Variants in NKAIN2 observed in about 807,000 individuals in gnomAD.
NKAIN2 encodes the protein sodium/potassium-transporting ATPase subunit beta-1-interacting protein 2.
Under a neutral mutation model 32.6 loss-of-function variants are expected in NKAIN2, and 14 were observed. The observed-to-expected ratio is 0.43, with a 90% CI of 0.28 to 0.67. NKAIN2 has a LOEUF of 0.67. NKAIN2 is among the 30% of genes least tolerant of loss of function. The probability of loss-of-function intolerance (pLI) is 0.17; values close to 1 mark genes in which losing one functional copy is unlikely to be tolerated. For synonymous variants in NKAIN2, 80 were observed against 87.2 expected (o/e 0.92, Z 0.46); for missense variants, 198 against 258.3 (o/e 0.77, Z 1.60).
At chr6:124,426,031 C>T (rs531123913) in intron 3 of NKAIN2, among the ~76,000 whole-genome samples, 4 of 152,276 alleles carry the variant, frequency 2.6e-5, no homozygotes, top group South Asian at 4.1e-4. Flanking sequence ...GTAACCTAGA[C>T]TCTTTGTAGT....
At chr6:124,638,546 C>G (rs1783857330) in intron 3 of NKAIN2, among the ~76,000 whole-genome samples, 1 of 152,074 alleles carries the variant, frequency 6.6e-6, no homozygotes, top group South Asian at 2.1e-4. Flanking sequence ...ACAAAGAACT[C>G]AAATGACTCA....
intron 3 of NKAIN2, among the ~76,000 whole-genome samples, chr6:124,626,013 T>C (rs917772640): frequency 6.6e-6 from 1 of 151,702 alleles, no homozygotes; most frequent in Non-Finnish European, 1.5e-5. Context: ...TACATATGTA[T>C]ACATGTGCCA....
chr6:124,755,336 T>C (rs1277712344), intron 4 of NKAIN2, among the ~76,000 whole-genome samples: 1 of 152,124 alleles, frequency 6.6e-6, no homozygotes, highest in African/African-American at 2.4e-5. Flanking sequence ...TGGCAGCTGA[T>C]TGAATGGTGC....
chr6:124,473,455 ATTTATGGC>A (rs1777058372), intron 3 of NKAIN2, among the ~76,000 whole-genome samples: 1 of 152,180 alleles, frequency 6.6e-6, no homozygotes. Flanking sequence ...ATTCAAGAAC[ATTTATGGC>A]TTTGTGATTT....
chr6:124,098,677 T>C (rs1418073279), intron 1 of NKAIN2, among the ~76,000 whole-genome samples: 1 of 152,084 alleles, frequency 6.6e-6, no homozygotes, highest in Non-Finnish European at 1.5e-5. Context: ...GAGACCAGCC[T>C]GGCCAATATG....
chr6:124,333,450 AGGAGTT>A (rs1797744633), intron 2 of NKAIN2, among the ~76,000 whole-genome samples: 1 of 152,060 alleles, frequency 6.6e-6, no homozygotes, highest in Non-Finnish European at 1.5e-5. Context: ...ACCTGAGGTC[AGGAGTT>A]GGAGACCAGC....
intron 1 of NKAIN2, among the ~76,000 whole-genome samples, chr6:124,113,066 C>T (rs910009266): frequency 1.3e-5 from 2 of 151,896 alleles, no homozygotes; most frequent in African/African-American, 2.4e-5. Context: ...GCATCTTAGT[C>T]GGATTCTTCA....
intron 1 of NKAIN2, among the ~76,000 whole-genome samples, chr6:123,979,351 C>G (rs1399411905): frequency 1.3e-5 from 2 of 152,106 alleles, no homozygotes; most frequent in Non-Finnish European, 2.9e-5. Flanking sequence ...AGTGGGTGTG[C>G]ACAGCATGGG....
chr6:124,168,059 T>C (rs904950458), intron 1 of NKAIN2, among the ~76,000 whole-genome samples: 6 of 152,210 alleles, frequency 3.9e-5, no homozygotes, highest in Non-Finnish European at 8.8e-5. Flanking sequence ...TATTTGTCAT[T>C]ACATTTGAAT....
intron 1 of NKAIN2, among the ~76,000 whole-genome samples, chr6:124,244,876 G>C (rs1793309858): frequency 6.6e-6 from 1 of 152,088 alleles, no homozygotes; most frequent in Admixed American, 6.6e-5. Flanking sequence ...ACTAGTGGAA[G>C]ATAATTTCCA....
intron 1 of NKAIN2, among the ~76,000 whole-genome samples, chr6:123,992,844 C>T (rs1229965806): frequency 1.3e-5 from 2 of 152,134 alleles, no homozygotes; most frequent in Non-Finnish European, 2.9e-5. Context: ...GCGTTGTTCC[C>T]TTGTGGTACC....
At position 124,563,273 on chromosome 6, in the gene NKAIN2, C is replaced by CA. The variant is rs1460080389; in HGVS notation, c.274-94908dup. Among the ~76,000 whole-genome samples, 6 of 152,208 alleles carry CA rather than the reference C, an allele frequency of 3.9e-5. No individual in the cohort carries two copies. The South Asian group carries it at 1.0e-3, about 26-fold the overall frequency. On this transcript the variant is annotated intron_variant, in intron 3 of 6. Transcript: ENST00000368417. ...CTGAACTCAACTCTGTACAGATTTC[C>CA]AAAAAGATCTGAATACCTGGATAAT... is the stretch of plus-strand genomic sequence containing the variant.
intron 1 of NKAIN2, among the ~76,000 whole-genome samples, chr6:124,276,910 TG>T (rs1795064508): frequency 6.6e-6 from 1 of 152,152 alleles, no homozygotes; most frequent in Non-Finnish European, 1.5e-5. Flanking sequence ...AGCTCTAGTG[TG>T]GCAACATCCA....
At chr6:124,819,045 C>A in intron 6 of NKAIN2, 1 of 377,800 alleles carries the variant, frequency 2.6e-6, no homozygotes, top group Non-Finnish European at 3.6e-6. Flanking sequence ...CTCAGGAGAG[C>A]AGACATACAA....
rs771135686 is a variant in NKAIN2 at position 124,644,474 on chromosome 6, G to A, written c.274-13712G>A. Among the ~76,000 whole-genome samples, 12 of 150,700 alleles carry A rather than the reference G, an allele frequency of 8.0e-5. No homozygotes were observed. The South Asian group carries it at 1.3e-3, about 16-fold the overall frequency. On this transcript the variant is annotated intron_variant, in intron 3 of 6. Transcript: ENST00000368417. ...GGCTGGAGGGTAGTGGCACGATTTC[G>A]GCTTACTGAAACCTCCGCCTCCCGG...
rs113802071 is a variant in NKAIN2 at position 123,989,614 on chromosome 6, C to G, written c.54+185360C>G. ...CAATCTTTGTCTAATAATTACTTGTCACAGTTTTAAGTTTTTGCTTTGATA... is the reference window on the plus strand; with the variant it reads ...CAATCTTTGTCTAATAATTACTTGTGACAGTTTTAAGTTTTTGCTTTGATA... On this transcript the variant is annotated intron_variant, in intron 1 of 6. Coordinates refer to ENST00000368417, the MANE Select transcript of NKAIN2 (RefSeq NM_001040214.3). 3.1e-3 allele frequency among the ~76,000 whole-genome samples: 468 copies of G among 152,204 alleles called. 3 individuals carry two copies. The highest frequency in any genetic ancestry group is 0.011 in the African/African-American group (448 of 41,530).
At chr6:124,259,821 C>T (rs1794142518) in intron 1 of NKAIN2, among the ~76,000 whole-genome samples, 1 of 152,066 alleles carries the variant, frequency 6.6e-6, no homozygotes. Flanking sequence ...CCCTGGACAC[C>T]TATTTTTTTC....
At chr6:124,396,736 G>A (rs1338482900) in intron 3 of NKAIN2, among the ~76,000 whole-genome samples, 1 of 152,190 alleles carries the variant, frequency 6.6e-6, no homozygotes, top group Non-Finnish European at 1.5e-5. Flanking sequence ...AGAATTATGT[G>A]TGGGAGAGTG....
intron 1 of NKAIN2, among the ~76,000 whole-genome samples, chr6:124,107,186 C>A (rs1364824675): frequency 1.3e-5 from 2 of 152,044 alleles, no homozygotes; most frequent in Non-Finnish European, 2.9e-5. Context: ...CTAAGTAAGC[C>A]AGATGTGATG....
Sources: gnomAD v4.1 joint callset for allele counts (sites outside exome capture counted in the v4.1 genomes callset) on GRCh38, gnomAD v4.1.1 for gene constraint, MANE v1.5 for transcripts, NCBI Gene and HGNC (gene_info 2026-07-23, HGNC 2026-07-21) for gene names.